ABCA1: variants seen among roughly 807,000 people sequenced by gnomAD.
The protein encoded by ABCA1 is ATP binding cassette subfamily A member 1.
ABCA1 carries 133 observed loss-of-function variants against 262.5 expected under a neutral mutation model. That is an observed-to-expected ratio of 0.51 (90% CI 0.44 to 0.59). The LOEUF (loss-of-function observed/expected upper bound fraction) is 0.59. Among genes scored for constraint, ABCA1 ranks in the 20% least tolerant of loss-of-function variants. The probability of loss-of-function intolerance (pLI) is 0.00; values close to 1 mark genes in which losing one functional copy is unlikely to be tolerated. For missense variants in ABCA1, 2,452 were observed against 2,777.5 expected (o/e 0.88, Z 2.63); for synonymous variants, 1,022 against 1,043.5 (o/e 0.98, Z 0.40).
At position 104,782,600 on chromosome 9, in the gene ABCA1, G is replaced by T. The variant is rs924814359; in HGVS notation, c.*1715C>A. Reference sequence around the variant, plus strand: ...ACTGGGTTAGAAAACTCTGAAAAATGCTCCATATGGAAGTATTTGTTGTTT... The same window carrying T: ...ACTGGGTTAGAAAACTCTGAAAAATTCTCCATATGGAAGTATTTGTTGTTT... On this transcript the variant is annotated 3_prime_UTR_variant, in exon 50 of 50. Coordinates refer to ENST00000374736, the MANE Select transcript of ABCA1 (RefSeq NM_005502.4). The T allele has an allele frequency of 6.6e-6, 1 of 152,076 alleles. No homozygotes were observed. Among genetic ancestry groups the T allele is most frequent in the African/African-American group, 2.4e-5 (1 of 41,416 alleles). 9.4% of individuals were successfully genotyped at this position (152,076 alleles called of 1,614,324 possible). A position where few individuals can be genotyped will look rare whatever the true frequency, so the allele number is the denominator to read the frequency against.
chr9:104,823,508 T>C (rs2118980077), intron 18 of ABCA1, among the ~76,000 whole-genome samples: 1 of 152,298 alleles, frequency 6.6e-6, no homozygotes, highest in East Asian at 1.9e-4. Flanking sequence ...CTTGTGAGTC[T>C]GTAATTGTTT....
At chr9:104,802,185 C>T (rs2297404) in intron 33 of ABCA1, 26 bp from the exon 34 acceptor site, 2 of 1,596,190 alleles carry the variant, frequency 1.3e-6, no homozygotes, top group Non-Finnish European at 8.6e-7. Flanking sequence ...GACATTAAAA[C>T]CCAGACAGTG....
chr9:104,865,813 T>A (rs1390744524), intron 5 of ABCA1, among the ~76,000 whole-genome samples: 1 of 152,110 alleles, frequency 6.6e-6, no homozygotes, highest in Non-Finnish European at 1.5e-5. Flanking sequence ...TCAAAAAGAT[T>A]TTTTCACTCA....
chr9:104,870,120 CAG>C (rs10583466), intron 5 of ABCA1, among the ~76,000 whole-genome samples: 23,524 of 152,188 alleles, frequency 0.15, 1,991 homozygotes, highest in Middle Eastern at 0.25. Context: ...ATTAGGAAGC[CAG>C]AGTCTTCTCT....
At chr9:104,875,976 CT>C (rs1838131054) in intron 5 of ABCA1, among the ~76,000 whole-genome samples, 1 of 152,208 alleles carries the variant, frequency 6.6e-6, no homozygotes, top group African/African-American at 2.4e-5. Flanking sequence ...ACTTACTGGG[CT>C]TCTAGAGTTA....
intron 1 of ABCA1, among the ~76,000 whole-genome samples, chr9:104,912,117 C>A (rs2118484486): frequency 6.6e-6 from 1 of 152,284 alleles, no homozygotes; most frequent in Non-Finnish European, 1.5e-5. Context: ...TTGCTAATAG[C>A]TAATTTTCAA....
At chr9:104,819,536 C>CT (rs754906880) in intron 22 of ABCA1, 50 bp downstream of exon 22, 3 of 1,611,272 alleles carry the variant, frequency 1.9e-6, no homozygotes, top group East Asian at 2.2e-5. Context: ...TCTCAAAAGC[C>CT]CCCCGCTCTC....
At chr9:104,888,647 A>C (rs1426433464) in intron 3 of ABCA1, among the ~76,000 whole-genome samples, 1 of 152,202 alleles carries the variant, frequency 6.6e-6, no homozygotes, top group Non-Finnish European at 1.5e-5. Context: ...TCTGAGTTCT[A>C]TTCAAGGTTG....
At chr9:104,867,856 A>G (rs1055191678) in intron 5 of ABCA1, among the ~76,000 whole-genome samples, 7 of 152,320 alleles carry the variant, frequency 4.6e-5, no homozygotes, top group Admixed American at 2.6e-4. Context: ...ACTTTGGCCA[A>G]TGAGTTAATG....
In ABCA1 at chr9:104,837,046, C is replaced by T; in HGVS notation, c.1245G>A (p.Met415Ile). 4 of 1,614,082 alleles carry T rather than the reference C, an allele frequency of 2.5e-6. No homozygotes were observed. Among genetic ancestry groups the T allele is most frequent in the Non-Finnish European group, 3.4e-6 (4 of 1,180,034 alleles). ...AGATCTTGGGGCTGAGTTCCTCCCA[C>T]ATGCCTTCCAGATCATGGAACACAG... The part of the protein sequence containing the change: ...ELAVFHDLEG[M>I]WEELSPKIWT... Residue 415 changes from methionine (M) to isoleucine (I), a missense_variant, in exon 11 of 50, where the codon ATG (methionine) becomes ATA (isoleucine). Met to Ile is a conservative substitution (Grantham distance 10, BLOSUM62 1). Transcript: ENST00000374736.
At chr9:104,816,928 C>G (rs1227050474) in intron 24 of ABCA1, among the ~76,000 whole-genome samples, 1 of 152,096 alleles carries the variant, frequency 6.6e-6, no homozygotes, top group Non-Finnish European at 1.5e-5. Context: ...TGACACTGGC[C>G]TCCTACACAC....
chr9:104,815,502 T>C (rs1162709194), intron 25 of ABCA1, among the ~76,000 whole-genome samples: 1 of 152,210 alleles, frequency 6.6e-6, no homozygotes, highest in Non-Finnish European at 1.5e-5. Flanking sequence ...GGATGGACTT[T>C]GAAGCCCCAA....
chr9:104,836,118 A>T (rs79325047), intron 11 of ABCA1, among the ~76,000 whole-genome samples: 2,479 of 152,320 alleles, frequency 0.016, 44 homozygotes, highest in African/African-American at 0.042. Flanking sequence ...TGCTTTTCTC[A>T]GTATAAACTC....
In ABCA1 at chr9:104,784,288, T is replaced by G; in HGVS notation, c.*27A>C. 6.2e-7 allele frequency: 1 copy of G among 1,613,950 alleles called. No homozygotes were observed. The highest frequency in any genetic ancestry group is 8.5e-7 in the Non-Finnish European group (1 of 1,179,948). Reference sequence around the variant, plus strand: ...AGGAAAGTCTAGTTCCTCTTTACTTTCAGCCACCCCGTATGAACAGGATTC... The same window carrying G: ...AGGAAAGTCTAGTTCCTCTTTACTTGCAGCCACCCCGTATGAACAGGATTC... On this transcript the variant is annotated 3_prime_UTR_variant, in exon 50 of 50. Transcript: ENST00000374736.
chr9:104,899,450 T>C (rs752746179), intron 2 of ABCA1, among the ~76,000 whole-genome samples: 1 of 152,096 alleles, frequency 6.6e-6, no homozygotes, highest in Admixed American at 6.6e-5. Flanking sequence ...TCCCAGCAGA[T>C]TGGAAGGCTG....
intron 2 of ABCA1, among the ~76,000 whole-genome samples, chr9:104,893,550 C>A (rs1241961688): frequency 6.6e-6 from 1 of 151,312 alleles, no homozygotes; most frequent in South Asian, 2.1e-4. Context: ...CTGAAACTAC[C>A]ATTTGTACTT....
intron 17 of ABCA1, among the ~76,000 whole-genome samples, chr9:104,825,315 G>A (rs1029813829): frequency 3.9e-5 from 6 of 152,192 alleles, no homozygotes; most frequent in South Asian, 2.1e-4. Flanking sequence ...TCACCTCCAC[G>A]TACCAACATT....
Position 104,784,294 on chromosome 9 carries a change from AC to A in ABCA1, c.*20del. 1 of 1,613,954 alleles carries A rather than the reference AC, an allele frequency of 6.2e-7. No individual in the cohort carries two copies. On this transcript the variant is annotated 3_prime_UTR_variant, in exon 50 of 50. Coordinates refer to ENST00000374736, the MANE Select transcript of ABCA1 (RefSeq NM_005502.4). Reference sequence around the variant, plus strand: ...GTCTAGTTCCTCTTTACTTTCAGCCACCCCGTATGAACAGGATTCTTCATAC... The same window carrying A: ...GTCTAGTTCCTCTTTACTTTCAGCCACCCGTATGAACAGGATTCTTCATAC...
At chr9:104,823,460 A>G (rs955253921) in intron 18 of ABCA1, among the ~76,000 whole-genome samples, 6 of 152,214 alleles carry the variant, frequency 3.9e-5, no homozygotes, top group African/African-American at 1.4e-4. Context: ...ACTGGATGAA[A>G]GGTTTAAGGG....
Sources: allele counts gnomAD v4.1 joint callset (sites outside exome capture counted in the v4.1 genomes callset), GRCh38; gene constraint gnomAD v4.1.1; transcripts MANE v1.5; gene names NCBI Gene and HGNC (gene_info 2026-07-23, HGNC 2026-07-21).